The following SLC4A8 variants were observed in gnomAD, a reference collection of about 807,000 sequenced individuals.
SLC4A8 encodes electroneutral sodium bicarbonate exchanger 1.
In SLC4A8, 40 loss-of-function variants were observed where a neutral mutation model predicts 125.0. The observed-to-expected ratio is 0.32, with a 90% confidence interval of 0.25 to 0.42. The LOEUF is 0.42. Among genes scored for constraint, SLC4A8 ranks in the 10% least tolerant of loss-of-function variants. The probability of loss-of-function intolerance (pLI) is 1.00; values close to 1 mark genes in which losing one functional copy is unlikely to be tolerated. For synonymous variants in SLC4A8, 456 were observed against 476.0 expected, an observed-to-expected ratio of 0.96 and a Z score of 0.55; for missense variants, 863 against 1,355.1, an observed-to-expected ratio of 0.64 and a Z score of 5.70.
intron 9 of SLC4A8, chr12:51,461,525 T>C (rs77752421): frequency 0.019 from 7,525 of 393,128 alleles, 124 homozygotes; most frequent in Non-Finnish European, 0.025. Flanking sequence ...GAGAAATCTT[T>C]TTCTGGGGAA....
At chr12:51,490,033 G>A (rs1951267746) in intron 19 of SLC4A8, 82 bp downstream of exon 19, 2 of 1,336,276 alleles carry the variant, frequency 1.5e-6, no homozygotes, top group South Asian at 2.5e-5. Flanking sequence ...AAATACAGTG[G>A]TGCCAAATAC....
intron 2 of SLC4A8, among the ~76,000 whole-genome samples, chr12:51,445,364 T>C (rs1949740692): frequency 6.6e-6 from 1 of 152,094 alleles, no homozygotes; most frequent in South Asian, 2.1e-4. Flanking sequence ...GGTGGAATCT[T>C]GCTGTGTTGC....
Position 51,474,457 on chromosome 12 carries a change from G to C in SLC4A8, c.2010+10G>C, listed in dbSNP as rs770576032. The C allele has an allele frequency of 6.2e-7, 1 of 1,611,928 alleles. No individual in the cohort carries two copies. The highest frequency in any genetic ancestry group is 1.1e-5 in the South Asian group (1 of 90,732). On this transcript the variant is annotated intron_variant, in intron 15 of 24. Transcript: ENST00000453097. ...TAACCTGACTGTCAGTGTAAGTCTG[G>C]GAGCTGCCAGATGTCCTAGCATTGT...
chr12:51,455,150 A>G (rs1215271786), intron 5 of SLC4A8, among the ~76,000 whole-genome samples: 3 of 149,016 alleles, frequency 2.0e-5, no homozygotes, highest in Non-Finnish European at 4.5e-5. Flanking sequence ...ACAGAATCTC[A>G]AGGCAGAAGA....
chr12:51,477,756 A>G (rs1163672169), intron 16 of SLC4A8, among the ~76,000 whole-genome samples: 1 of 152,054 alleles, frequency 6.6e-6, no homozygotes, highest in Non-Finnish European at 1.5e-5. Context: ...CATCTCTGCC[A>G]TTTTTCCATG....
intron 16 of SLC4A8, among the ~76,000 whole-genome samples, chr12:51,478,061 G>A (rs905374833): frequency 6.6e-6 from 1 of 152,174 alleles, no homozygotes; most frequent in Non-Finnish European, 1.5e-5. Flanking sequence ...AGATCACGAG[G>A]TCAGGAGATC....
At chr12:51,487,939 T>TTTA (rs1951204297) in intron 17 of SLC4A8, among the ~76,000 whole-genome samples, 1 of 152,244 alleles carries the variant, frequency 6.6e-6, no homozygotes, top group African/African-American at 2.4e-5. Context: ...TAGTCTAAGT[T>TTTA]ATTTATATTT....
chr12:51,440,025 A>G (rs1949543392), intron 1 of SLC4A8, among the ~76,000 whole-genome samples: 1 of 152,102 alleles, frequency 6.6e-6, no homozygotes, highest in Non-Finnish European at 1.5e-5. Flanking sequence ...TCTTTCTTGG[A>G]AATTATGGTT....
chr12:51,412,189 AC>A (rs1156408986), intron 1 of SLC4A8, among the ~76,000 whole-genome samples: 2 of 152,204 alleles, frequency 1.3e-5, no homozygotes, highest in African/African-American at 4.8e-5. Context: ...TATTCCATGA[AC>A]CATTGAAAAG....
At chr12:51,467,491 G>A (rs1461793151) in intron 11 of SLC4A8, 2 of 152,184 alleles carry the variant, frequency 1.3e-5, no homozygotes, top group Non-Finnish European at 2.9e-5. Flanking sequence ...AGCTAGATGA[G>A]AGAGAGTGTT....
chr12:51,494,337 G>A (rs1951403531), intron 20 of SLC4A8: 1 of 152,424 alleles, frequency 6.6e-6, no homozygotes, highest in African/African-American at 2.4e-5. Flanking sequence ...GATAACTTGG[G>A]TATTCCAGAT....
intron 2 of SLC4A8, among the ~76,000 whole-genome samples, chr12:51,447,307 G>A (rs1949806240): frequency 6.6e-6 from 1 of 151,646 alleles, no homozygotes; most frequent in African/African-American, 2.4e-5. Flanking sequence ...GCCCAAGCTG[G>A]TCTCAAACTC....
chr12:51,474,014 T>A (rs562970344), intron 14 of SLC4A8, among the ~76,000 whole-genome samples: 1 of 97,324 alleles, frequency 1.0e-5, no homozygotes, highest in East Asian at 2.9e-4. Flanking sequence ...GAGATAGAAA[T>A]CGGGCAAAAA....
chr12:51,418,667 A>G (rs1399894219), intron 1 of SLC4A8, among the ~76,000 whole-genome samples: 3 of 152,202 alleles, frequency 2.0e-5, no homozygotes, highest in East Asian at 1.9e-4. Context: ...AATGTTAGAG[A>G]TAGAAAAAAG....
At chr12:51,438,878 G>A (rs1949502461) in intron 1 of SLC4A8, among the ~76,000 whole-genome samples, 1 of 152,110 alleles carries the variant, frequency 6.6e-6, no homozygotes, top group Non-Finnish European at 1.5e-5. Flanking sequence ...CTGATGATTA[G>A]TGATGTTGAG....
intron 11 of SLC4A8, chr12:51,469,071 G>C (rs560059044): frequency 6.5e-6 from 1 of 153,230 alleles, no homozygotes; most frequent in African/African-American, 2.4e-5. Context: ...GGCTGTTCAT[G>C]TCTTGCTCAT....
chr12:51,469,197 G>T (rs1190151911), intron 11 of SLC4A8: 1 of 157,064 alleles, frequency 6.4e-6, no homozygotes, highest in Non-Finnish European at 1.4e-5. Flanking sequence ...TAGTTGTTCA[G>T]AGTAAGAAAG....
chr12:51,502,870 GCTCTGTCGTCA>G (rs1565825533), intron 22 of SLC4A8, among the ~76,000 whole-genome samples: 1,861 of 134,892 alleles, frequency 0.014, 53 homozygotes, highest in African/African-American at 0.05. Context: ...ATGGAGTCTC[GCTCTGTCGTCA>G]CCCAGGCTGG....
chr12:51,396,925 ATTTTTTTTT>A (rs753146267), intron 1 of SLC4A8, among the ~76,000 whole-genome samples: 1 of 106,314 alleles, frequency 9.4e-6, no homozygotes, highest in African/African-American at 3.7e-5. Flanking sequence ...GCCTTAGTTA[ATTTTTTTTT>A]TTTTTTTTTT....
Sources: allele counts gnomAD v4.1 joint callset (sites outside exome capture counted in the v4.1 genomes callset), GRCh38; gene constraint gnomAD v4.1.1; transcripts MANE v1.5; gene names NCBI Gene and HGNC (gene_info 2026-07-23, HGNC 2026-07-21).